Variants in RFX3 observed in about 807,000 individuals in gnomAD.
RFX3 encodes the protein regulatory factor X3.
In RFX3, 14 loss-of-function variants were observed where a neutral mutation model predicts 98.6. The observed-to-expected ratio is 0.14, with a 90% CI of 0.09 to 0.22. The LOEUF is 0.22. Ranked by LOEUF, RFX3 falls within the 10% of genes least tolerant of loss-of-function variation. The pLI is 1.00. For synonymous variants in RFX3, 383 were observed against 328.4 expected, an observed-to-expected ratio of 1.17 and a Z score of -1.80; for missense variants, 639 against 926.9, an observed-to-expected ratio of 0.69 and a Z score of 4.03.
rs1184471579 is a variant in RFX3 at position 3,330,477 on chromosome 9, T to C, written c.256A>G (p.Ser86Gly). The C allele has an allele frequency of 3.7e-6, 6 of 1,614,064 alleles. No individual in the cohort carries two copies. The highest frequency in any genetic ancestry group is 5.1e-6 in the Non-Finnish European group (6 of 1,179,944). ...TYPYTETQMY[S>G]QNTGGNYFDT... ...AAGTAATTCCCTCCAGTATTTTGGC[T>C]GTACATCTGTGTCTCTGTGTAAGGA... is the stretch of plus-strand genomic sequence containing the variant. The change falls in exon 4 of 17, where the codon AGC (serine) becomes GGC (glycine). Residue 86 changes from serine to glycine, a missense_variant. This residue lies in a region of RFX3 where 210 missense variants were observed against 197.7 expected (regional missense o/e 1.06). Coordinates refer to ENST00000617270, the MANE Select transcript of RFX3 (RefSeq NM_001282116.2).
At chr9:3,270,343 C>T in intron 11 of RFX3, 28 bp downstream of exon 11, 1 of 1,594,044 alleles carries the variant, frequency 6.3e-7, no homozygotes, top group Non-Finnish European at 8.5e-7. Flanking sequence ...AGAACAAAAG[C>T]ATCCGTACTC....
At chr9:3,457,904 A>G (rs961545523) in intron 1 of RFX3, among the ~76,000 whole-genome samples, 1 of 152,092 alleles carries the variant, frequency 6.6e-6, no homozygotes, top group Non-Finnish European at 1.5e-5. Flanking sequence ...GCTAGGTGGA[A>G]TTGTAGGCTT....
chr9:3,486,568 A>G (rs1290820541), intron 1 of RFX3, among the ~76,000 whole-genome samples: 1 of 152,202 alleles, frequency 6.6e-6, no homozygotes, highest in Non-Finnish European at 1.5e-5. Context: ...GCTATGGACA[A>G]AATAATGAAA....
intron 1 of RFX3, among the ~76,000 whole-genome samples, chr9:3,398,848 C>T (rs1841170737): frequency 7.2e-6 from 1 of 139,574 alleles, no homozygotes; most frequent in African/African-American, 2.7e-5. Context: ...AAAATTAAAA[C>T]TACCATGTAT....
At chr9:3,410,651 C>G (rs2132163795) in intron 1 of RFX3, among the ~76,000 whole-genome samples, 1 of 152,282 alleles carries the variant, frequency 6.6e-6, no homozygotes, top group East Asian at 1.9e-4. Context: ...TTTTCACTGT[C>G]AAACAGCATG....
intron 14 of RFX3, among the ~76,000 whole-genome samples, chr9:3,249,298 T>C (rs970038277): frequency 6.6e-6 from 1 of 152,290 alleles, no homozygotes; most frequent in East Asian, 1.9e-4. Flanking sequence ...GCATTCAACT[T>C]GGCAAGTGAC....
intron 4 of RFX3, among the ~76,000 whole-genome samples, chr9:3,316,635 T>G (rs1830629517): frequency 6.6e-6 from 1 of 152,242 alleles, no homozygotes. Flanking sequence ...CCCCATTGTC[T>G]CAGCCCAAAA....
chr9:3,375,868 G>A (rs1174280642), intron 2 of RFX3, among the ~76,000 whole-genome samples: 1 of 152,126 alleles, frequency 6.6e-6, no homozygotes, highest in Non-Finnish European at 1.5e-5. Context: ...GCTGAGGCAG[G>A]TGAATCGCTT....
intron 1 of RFX3, among the ~76,000 whole-genome samples, chr9:3,517,861 G>A (rs930096198): frequency 6.6e-6 from 1 of 152,192 alleles, no homozygotes; most frequent in African/African-American, 2.4e-5. Context: ...ATCGGAAATG[G>A]TAAGAATAAC....
At chr9:3,511,034 T>C (rs1439719438) in intron 1 of RFX3, among the ~76,000 whole-genome samples, 6 of 152,012 alleles carry the variant, frequency 3.9e-5, no homozygotes, top group Non-Finnish European at 7.4e-5. Context: ...AGTGACTCTG[T>C]ACAGAAATAT....
At chr9:3,256,865 G>C in intron 14 of RFX3, 126 bp downstream of exon 14, 1 of 818,418 alleles carries the variant, frequency 1.2e-6, no homozygotes, top group Middle Eastern at 3.2e-4. Flanking sequence ...AGTTGTAACA[G>C]GGAGTTTCCA....
At chr9:3,349,870 G>C (rs188264149) in intron 2 of RFX3, among the ~76,000 whole-genome samples, 4 of 152,010 alleles carry the variant, frequency 2.6e-5, no homozygotes, top group Admixed American at 2.6e-4. Flanking sequence ...TTTTGACTTG[G>C]AATTATGAAA....
At chr9:3,254,713 A>C (rs971802948) in intron 14 of RFX3, among the ~76,000 whole-genome samples, 1 of 152,140 alleles carries the variant, frequency 6.6e-6, no homozygotes, top group Non-Finnish European at 1.5e-5. Context: ...GAAATCTTAA[A>C]AAATATTCCC....
rs1564185208 is a variant in RFX3, at chr9:3,504,864, T to TATATTATATATATTATATATAATATAAC, written c.-9+20882_-9+20883insGTTATATTATATATAATATATATAATAT. Among the ~76,000 whole-genome samples the TATATTATATATATTATATATAATATAAC allele has an allele frequency of 1.9e-3, 136 of 70,996 alleles. 6 individuals are homozygous for TATATTATATATATTATATATAATATAAC. The highest frequency in any genetic ancestry group is 9.8e-3 in the African/African-American group (132 of 13,402). 46.6% of individuals were successfully genotyped at this position (70,996 alleles called of 152,430 possible). ...AATATATATATTATATATGATATAA[T>TATATTATATATATTATATATAATATAAC]ATATATTATATATATTATATATAAT... is the stretch of plus-strand genomic sequence containing the variant. On this transcript the variant is annotated intron_variant, in intron 1 of 16. Coordinates refer to ENST00000617270, the MANE Select transcript of RFX3 (RefSeq NM_001282116.2).
intron 2 of RFX3, among the ~76,000 whole-genome samples, chr9:3,387,403 A>T (rs1406388664): frequency 1.3e-5 from 2 of 152,166 alleles, no homozygotes; most frequent in Non-Finnish European, 2.9e-5. Context: ...ATAGAGAATC[A>T]AAGCATACTA....
intron 6 of RFX3, among the ~76,000 whole-genome samples, chr9:3,288,661 T>C (rs529892068): frequency 6.6e-6 from 1 of 152,236 alleles, no homozygotes; most frequent in East Asian, 1.9e-4. Context: ...TACGTATTTA[T>C]TGTAAAGCAT....
At chr9:3,498,018 A>G (rs1190552675) in intron 1 of RFX3, among the ~76,000 whole-genome samples, 1 of 152,060 alleles carries the variant, frequency 6.6e-6, no homozygotes, top group Non-Finnish European at 1.5e-5. Context: ...GTGTATATTT[A>G]CAGCTTATTG....
chr9:3,228,477 G>A (rs943236748), intron 16 of RFX3, among the ~76,000 whole-genome samples: 5 of 152,144 alleles, frequency 3.3e-5, no homozygotes, highest in African/African-American at 1.2e-4. Flanking sequence ...GGTGAGCCGA[G>A]GAATCTTTTT....
At chr9:3,489,744 G>A (rs1010806487) in intron 1 of RFX3, among the ~76,000 whole-genome samples, 1 of 152,030 alleles carries the variant, frequency 6.6e-6, no homozygotes, top group Non-Finnish European at 1.5e-5. Flanking sequence ...GTCACATATG[G>A]GTATCAAAGG....
Sources: gnomAD v4.1 joint callset for allele counts (sites outside exome capture counted in the v4.1 genomes callset) on GRCh38, gnomAD v4.1.1 for gene constraint, gnomAD v4.1.1 regional missense constraint, MANE v1.5 for transcripts, NCBI Gene and HGNC (gene_info 2026-07-23, HGNC 2026-07-21) for gene names.